The following SPAG17 variants were observed in gnomAD, a reference collection of about 807,000 sequenced individuals.
The protein encoded by SPAG17 is sperm-associated antigen 17.
A neutral mutation model predicts 273.6 loss-of-function variants in SPAG17; 169 were observed. The observed-to-expected ratio is 0.62, with a 90% confidence interval of 0.55 to 0.70. The LOEUF is 0.70. SPAG17 is among the 30% of genes least tolerant of loss of function. SPAG17 has a pLI of 0.00. For synonymous variants in SPAG17, 825 were observed against 873.2 expected, an observed-to-expected ratio of 0.94 and a Z score of 0.97; for missense variants, 2,557 against 2,627.8, an observed-to-expected ratio of 0.97 and a Z score of 0.59.
chr1:118,039,796 G>C (rs537741841), intron 22 of SPAG17, among the ~76,000 whole-genome samples: 7 of 152,156 alleles, frequency 4.6e-5, no homozygotes, highest in Non-Finnish European at 1.5e-5. Context: ...AAATAAAAAG[G>C]CAGCATAGAA....
chr1:117,986,878 G>T (rs1028747121), intron 40 of SPAG17, among the ~76,000 whole-genome samples: 2 of 152,086 alleles, frequency 1.3e-5, no homozygotes, highest in African/African-American at 2.4e-5. Context: ...ATAAAACCTA[G>T]AAAGGATTTT....
chr1:118,038,310 T>G (rs1419571400), intron 23 of SPAG17, among the ~76,000 whole-genome samples: 1 of 152,182 alleles, frequency 6.6e-6, no homozygotes, highest in Non-Finnish European at 1.5e-5. Flanking sequence ...AGAACTTTCA[T>G]TCATTACTGT....
chr1:117,955,077 G>T, intron 48 of SPAG17: 1 of 431,730 alleles, frequency 2.3e-6, no homozygotes, highest in Non-Finnish European at 4.1e-6. Context: ...TGTGAGTCAG[G>T]GTATCTTCAC....
chr1:117,989,065 C>T (rs1656763898), intron 38 of SPAG17, among the ~76,000 whole-genome samples: 1 of 152,120 alleles, frequency 6.6e-6, no homozygotes, highest in African/African-American at 2.4e-5. Flanking sequence ...GTTAAAAATT[C>T]AAAAGCTACA....
At chr1:118,104,285 T>C (rs1251077781) in intron 4 of SPAG17, among the ~76,000 whole-genome samples, 1 of 152,190 alleles carries the variant, frequency 6.6e-6, no homozygotes, top group Non-Finnish European at 1.5e-5. Flanking sequence ...ATTAAGATAG[T>C]GCTGTGGATT....
intron 4 of SPAG17, among the ~76,000 whole-genome samples, chr1:118,105,657 G>A (rs949503861): frequency 2.6e-5 from 4 of 152,036 alleles, no homozygotes; most frequent in African/African-American, 9.7e-5. Context: ...GGAGGATATT[G>A]GATTATGAGT....
intron 3 of SPAG17, among the ~76,000 whole-genome samples, chr1:118,140,242 C>G (rs1375409182): frequency 6.6e-6 from 1 of 152,094 alleles, no homozygotes; most frequent in East Asian, 1.9e-4. Flanking sequence ...GGTAGAAAAT[C>G]TCAGTTTAAA....
At chr1:118,094,000 G>T (rs1027269211) in intron 7 of SPAG17, among the ~76,000 whole-genome samples, 1 of 152,182 alleles carries the variant, frequency 6.6e-6, no homozygotes, top group Non-Finnish European at 1.5e-5. Flanking sequence ...TGTGATGGCT[G>T]GGTCTGTCTG....
intron 20 of SPAG17, among the ~76,000 whole-genome samples, chr1:118,052,577 G>A (rs1045382324): frequency 3.9e-5 from 6 of 151,942 alleles, no homozygotes; most frequent in Non-Finnish European, 7.4e-5. Flanking sequence ...TAATAACTAC[G>A]TGAGGTAATG....
chr1:118,027,934 A>C (rs557189029), intron 26 of SPAG17, among the ~76,000 whole-genome samples: 1 of 152,210 alleles, frequency 6.6e-6, no homozygotes, highest in African/African-American at 2.4e-5. Context: ...ACAAGTTTTT[A>C]AGAGCACTGG....
At position 118,093,219 on chromosome 1, in the gene SPAG17, C is replaced by G. The variant is rs920573498; in HGVS notation, c.1110G>C (p.Gln370His). 1.9e-6 allele frequency: 3 copies of G among 1,613,786 alleles called. No individual in the cohort carries two copies. The Middle Eastern group carries it at 4.9e-4, about 266-fold the overall frequency. ...RQHQHYLESM[Q>H]LINVPQVVNE... ...TAACCACTTGTGGAACATTAATAAG[C>G]TGCATGCTTTCCAAATAGTGCTGGT... The change falls in exon 8 of 49, where the codon CAG becomes CAC. Residue 370 changes from glutamine (Q) to histidine (H), a missense_variant. Physicochemically the swap from Gln to His is conservative, Grantham distance 24. Transcript: ENST00000336338.
intron 1 of SPAG17, among the ~76,000 whole-genome samples, chr1:118,153,693 C>T (rs1659505824): frequency 6.6e-6 from 1 of 151,768 alleles, no homozygotes; most frequent in African/African-American, 2.4e-5. Flanking sequence ...CTAAAAGATA[C>T]AAAAATTTAG....
intron 38 of SPAG17, among the ~76,000 whole-genome samples, chr1:117,988,789 GACTC>G (rs71636655): frequency 0.052 from 7,902 of 152,178 alleles, 427 homozygotes; most frequent in East Asian, 0.29. Flanking sequence ...ACGTCATTGT[GACTC>G]ACTAAGAAAA....
At chr1:118,130,115 C>T (rs1238843013) in intron 3 of SPAG17, among the ~76,000 whole-genome samples, 1 of 152,146 alleles carries the variant, frequency 6.6e-6, no homozygotes, top group East Asian at 1.9e-4. Flanking sequence ...CTTGTCCTCC[C>T]CCTTAATCTC....
chr1:118,055,752 A>G lies in SPAG17; in HGVS notation c.2703T>C (p.Phe901=), dbSNP rs201142035. 1.6e-5 allele frequency: 25 copies of G among 1,612,198 alleles called. No homozygotes were observed. The African/African-American group carries it at 2.1e-4, about 14-fold the overall frequency. ...ACTTACTTTTAGATTCTTTAATGGA[A>G]AAAATTTTGCTAGCAGAAGTAAGTT... The part of the protein sequence containing the change: ...NAKLTSASKI[F]SIKESKSNKG... The change falls in exon 19 of 49, where the codon TTT becomes TTC. Residue 901 remains phenylalanine (F), a synonymous_variant. Coordinates refer to ENST00000336338, the MANE Select transcript of SPAG17 (RefSeq NM_206996.4).
chr1:118,101,818 G>A lies in SPAG17; in HGVS notation c.556C>T (p.Pro186Ser), dbSNP rs755159586. The change falls in exon 5 of 49, where the codon CCT becomes TCT. Residue 186 changes from proline (P) to serine (S), a missense_variant. Transcript: ENST00000336338. ...KPAKGKGKDQ[P>S]EANAPVKKTT... ...TTTTTCACTGGTGCATTTGCCTCAG[G>A]CTGATCCTTTCCCTTTCCTTTGGCA... 2 of 1,614,004 alleles carry A rather than the reference G, an allele frequency of 1.2e-6. No individual in the cohort carries two copies. Among genetic ancestry groups the A allele is most frequent in the Non-Finnish European group, 1.7e-6 (2 of 1,179,962 alleles).
chr1:118,133,283 G>A (rs983143839), intron 3 of SPAG17, among the ~76,000 whole-genome samples: 10 of 152,018 alleles, frequency 6.6e-5, no homozygotes, highest in African/African-American at 2.2e-4. Flanking sequence ...TGGGTGGGTC[G>A]CGAGGGGGCC....
chr1:117,972,350 G>A (rs1654655432), intron 44 of SPAG17, among the ~76,000 whole-genome samples: 1 of 152,226 alleles, frequency 6.6e-6, no homozygotes, highest in South Asian at 2.1e-4. Context: ...CTGTGCCAGT[G>A]GTCATCAAAC....
intron 32 of SPAG17, among the ~76,000 whole-genome samples, chr1:117,999,037 G>GTTCTCAT (rs1657977330): frequency 6.7e-6 from 1 of 149,212 alleles, no homozygotes; most frequent in Admixed American, 6.8e-5. Context: ...GTGTCCAAGT[G>GTTCTCAT]TTCTCATTGT....
Sources: allele counts gnomAD v4.1 joint callset (sites outside exome capture counted in the v4.1 genomes callset), GRCh38; gene constraint gnomAD v4.1.1; transcripts MANE v1.5; gene names NCBI Gene and HGNC (gene_info 2026-07-23, HGNC 2026-07-21).